Variants in NHLH2 observed in about 807,000 individuals in gnomAD.
NHLH2 encodes helix-loop-helix protein 2.
In NHLH2, 7 loss-of-function variants were observed where a neutral mutation model predicts 7.3. That is an observed-to-expected ratio of 0.96 (90% CI 0.55 to 1.81). NHLH2 has a LOEUF of 1.81. NHLH2 is among the 40% of genes most tolerant of loss of function. The pLI, the probability that NHLH2 is intolerant of heterozygous loss-of-function variation, is 0.00. For synonymous variants in NHLH2, 93 were observed against 91.6 expected (o/e 1.01, Z -0.09); for missense variants, 155 against 194.0 (o/e 0.80, Z 1.19).
Position 115,837,069 on chromosome 1 carries a change from G to A in NHLH2, c.*896C>T, listed in dbSNP as rs902412960. On this transcript the variant is annotated 3_prime_UTR_variant, in exon 3 of 3. Coordinates refer to ENST00000320238, the MANE Select transcript of NHLH2 (RefSeq NM_005599.3). ...TTGACTATAAATAAATTGGCACAGAGTATCCAAAGTAAAAGTATCACCACT... is the reference window on the plus strand; with the variant it reads ...TTGACTATAAATAAATTGGCACAGAATATCCAAAGTAAAAGTATCACCACT... 6.6e-6 allele frequency: 1 copy of A among 152,336 alleles called. No individual in the cohort carries two copies. Among genetic ancestry groups the A allele is most frequent in the Non-Finnish European group, 1.5e-5 (1 of 68,000 alleles). The allele number at this position is 152,336 out of a possible 1,614,324, so 9.4% of individuals were successfully genotyped here. A position where few individuals can be genotyped will look rare whatever the true frequency, so the allele number is the denominator to read the frequency against.
chr1:115,838,429 G>A (rs1650948374), intron 2 of NHLH2, 49 bp from the exon 3 acceptor site: 3 of 1,579,274 alleles, frequency 1.9e-6, no homozygotes, highest in Non-Finnish European at 2.6e-6. Flanking sequence ...AGGGTATTTT[G>A]CTGGAAGGAT....
downstream of NHLH2, among the ~76,000 whole-genome samples, chr1:115,832,810 G>A (rs759622673): frequency 3.9e-5 from 6 of 152,148 alleles, no homozygotes; most frequent in Non-Finnish European, 8.8e-5. Flanking sequence ...GTGTGGTTAC[G>A]TGTGGTCTGA....
downstream of NHLH2, among the ~76,000 whole-genome samples, chr1:115,834,349 G>C (rs1486396571): frequency 6.6e-6 from 1 of 152,168 alleles, no homozygotes; most frequent in East Asian, 1.9e-4. Flanking sequence ...TTGTTGAGTG[G>C]CTGTGGGCAA....
intron 2 of NHLH2, chr1:115,838,581 G>A (rs1209790838): frequency 2.8e-5 from 14 of 508,688 alleles, no homozygotes; most frequent in Non-Finnish European, 4.8e-5. Context: ...CCCTGGCGCG[G>A]GAGCCGGCGG....
intron 2 of NHLH2, 58 bp from the exon 3 acceptor site, chr1:115,838,438 A>G (rs1237682735): frequency 6.4e-7 from 1 of 1,556,552 alleles, no homozygotes; most frequent in African/African-American, 1.4e-5. Context: ...TGCTGGAAGG[A>G]TGGCTGCCGA....
rs1325859865 is a variant in NHLH2, at chr1:115,840,398, G to A, written c.-191C>T. 3 of 166,966 alleles carry A rather than the reference G, an allele frequency of 1.8e-5. No homozygotes were observed. The highest frequency in any genetic ancestry group is 4.4e-5 in the Non-Finnish European group (3 of 68,118). The allele number at this position is 166,966 out of a possible 1,614,324, so 10.3% of individuals were successfully genotyped here. A position where few individuals can be genotyped will look rare whatever the true frequency, so the allele number is the denominator to read the frequency against. Reference sequence around the variant, plus strand: ...GACAATAATATCTCAGGATGTAGACGATATGAATGATTGTTCACTTAGTTG... The same window carrying A: ...GACAATAATATCTCAGGATGTAGACAATATGAATGATTGTTCACTTAGTTG... On this transcript the variant is annotated 5_prime_UTR_variant, in exon 2 of 3. Transcript: ENST00000320238.
downstream of NHLH2, among the ~76,000 whole-genome samples, chr1:115,831,924 C>CAA (rs34137281): frequency 2.6e-3 from 357 of 137,244 alleles, 3 homozygotes; most frequent in East Asian, 7.4e-3. Flanking sequence ...GACTTGGTCT[C>CAA]AAAAAAAAAA....
At chr1:115,835,948 A>G (rs1400280790), downstream of NHLH2, among the ~76,000 whole-genome samples, 1 of 152,126 alleles carries the variant, frequency 6.6e-6, no homozygotes, top group Non-Finnish European at 1.5e-5. Flanking sequence ...AATAAGTGCC[A>G]TGAGGATTGA....
rs1650884222 is a variant in NHLH2 at position 115,836,848 on chromosome 1, T to C, written c.*1117A>G. On this transcript the variant is annotated 3_prime_UTR_variant, in exon 3 of 3. Coordinates refer to ENST00000320238, the MANE Select transcript of NHLH2 (RefSeq NM_005599.3). ...AAAAACTATAATAGTGAAGTGCTAG[T>C]GTTGCTGATCTCACAACAAAAGAAC... 1 of 152,196 alleles carries C rather than the reference T, an allele frequency of 6.6e-6. No homozygotes were observed. The highest frequency in any genetic ancestry group is 1.5e-5 in the Non-Finnish European group (1 of 68,028). The allele number at this position is 152,196 out of a possible 1,614,324, so 9.4% of individuals were successfully genotyped here.
Position 115,840,941 on chromosome 1 carries a change from T to G in NHLH2, c.-338+7A>C, listed in dbSNP as rs1651061523. On this transcript the variant is annotated splice_region_variant and intron_variant, in intron 1 of 2. Transcript: ENST00000320238. ...TATCCCCCGTCCCCAGCCCCTCTTC[T>G]CTTTACCTTGTAGCAAAATATATAT... The G allele has an allele frequency of 1.2e-5, 2 of 167,552 alleles. No homozygotes were observed. Among genetic ancestry groups the G allele is most frequent in the South Asian group, 4.1e-4 (2 of 4,836 alleles). 10.4% of individuals were successfully genotyped at this position (167,552 alleles called of 1,614,324 possible). A position where few individuals can be genotyped will look rare whatever the true frequency, so the allele number is the denominator to read the frequency against.
At chr1:115,835,916 T>C (rs886833873), downstream of NHLH2, among the ~76,000 whole-genome samples, 7 of 152,120 alleles carry the variant, frequency 4.6e-5, no homozygotes, top group African/African-American at 7.2e-5. Context: ...AGTATTACAA[T>C]AGTAATACAC....
downstream of NHLH2, among the ~76,000 whole-genome samples, chr1:115,834,607 A>G (rs1348898888): frequency 2.0e-5 from 3 of 152,124 alleles, no homozygotes; most frequent in Non-Finnish European, 4.4e-5. Flanking sequence ...GTACCAATGT[A>G]TTTCCTCAGA....
downstream of NHLH2, among the ~76,000 whole-genome samples, chr1:115,833,151 G>C (rs1308263277): frequency 1.3e-5 from 2 of 152,288 alleles, no homozygotes; most frequent in East Asian, 3.9e-4. Flanking sequence ...CGTGAGAATG[G>C]GCTGGAAGGT....
At chr1:115,840,131 T>C (rs1321562200) in intron 2 of NHLH2, 85 bp downstream of exon 2, 1 of 167,020 alleles carries the variant, frequency 6.0e-6, no homozygotes, top group African/African-American at 2.4e-5. Context: ...GTTTTATCTC[T>C]TTATGGAATG....
In NHLH2 at chr1:115,840,367, G is replaced by A. The variant is rs1367327737; in HGVS notation, c.-160C>T. The A allele has an allele frequency of 1.2e-5, 2 of 167,042 alleles. No individual in the cohort carries two copies. The highest frequency in any genetic ancestry group is 2.9e-5 in the Non-Finnish European group (2 of 68,116). The allele number at this position is 167,042 out of a possible 1,614,324, so 10.3% of individuals were successfully genotyped here. On this transcript the variant is annotated 5_prime_UTR_variant, in exon 2 of 3. Transcript: ENST00000320238. ...AGCTGTCATCTCGCTGGTGTCCGCA[G>A]CGAGGGACAATAATATCTCAGGATG...
chr1:115,837,937 C>G lies in NHLH2; in HGVS notation c.*28G>C, dbSNP rs1451084935. Reference sequence around the variant, plus strand: ...CCGTAGCGTTTCGCGGACGCCGGGACAGGCGGCCCCCCGCGGCGCACCCCG... The same window carrying G: ...CCGTAGCGTTTCGCGGACGCCGGGAGAGGCGGCCCCCCGCGGCGCACCCCG... On this transcript the variant is annotated 3_prime_UTR_variant, in exon 3 of 3. Coordinates refer to ENST00000320238, the MANE Select transcript of NHLH2 (RefSeq NM_005599.3). 1 of 1,582,838 alleles carries G rather than the reference C, an allele frequency of 6.3e-7. No individual in the cohort carries two copies. Among genetic ancestry groups the G allele is most frequent in the South Asian group, 1.1e-5 (1 of 88,078 alleles).
chr1:115,832,956 G>T (rs145056082), downstream of NHLH2, among the ~76,000 whole-genome samples: 193 of 152,286 alleles, frequency 1.3e-3, no homozygotes, highest in African/African-American at 4.5e-3. Context: ...GGGAAGTGAG[G>T]AAACCGAGTT....
chr1:115,835,561 T>C (rs964608921), downstream of NHLH2, among the ~76,000 whole-genome samples: 1 of 152,216 alleles, frequency 6.6e-6, no homozygotes, highest in African/African-American at 2.4e-5. Flanking sequence ...AGTAGGTATC[T>C]GTGAAGCTGA....
chr1:115,840,557 A>G lies in NHLH2; in HGVS notation c.-337-13T>C, dbSNP rs1651043764. On this transcript the variant is annotated splice_polypyrimidine_tract_variant and intron_variant, in intron 1 of 2. Transcript: ENST00000320238. Reference sequence around the variant, plus strand: ...CTCTTCTAGGTCTCTAAAAATAACAAAAGAGATGCAGAGATAAACACAATC... The same window carrying G: ...CTCTTCTAGGTCTCTAAAAATAACAGAAGAGATGCAGAGATAAACACAATC... 1.2e-5 allele frequency: 2 copies of G among 167,060 alleles called. No individual in the cohort carries two copies. The highest frequency in any genetic ancestry group is 2.1e-4 in the South Asian group (1 of 4,830). The allele number at this position is 167,060 out of a possible 1,614,324, so 10.3% of individuals were successfully genotyped here.
Sources: allele counts gnomAD v4.1 joint callset (sites outside exome capture counted in the v4.1 genomes callset), GRCh38; gene constraint gnomAD v4.1.1; transcripts MANE v1.5; gene names NCBI Gene and HGNC (gene_info 2026-07-23, HGNC 2026-07-21).